The following RSRP1 variants were observed in gnomAD, a reference collection of about 807,000 sequenced individuals.
RSRP1 encodes arginine and serine rich protein 1.
In RSRP1, 37 loss-of-function variants were observed where a neutral mutation model predicts 33.0. That is an observed-to-expected ratio of 1.12 (90% CI 0.86 to 1.48). RSRP1 has a LOEUF of 1.48. Among genes scored for constraint, RSRP1 ranks in the 40% most tolerant of loss-of-function variants. The probability of loss-of-function intolerance (pLI) is 0.00; values close to 1 mark genes in which losing one functional copy is unlikely to be tolerated. For synonymous variants in RSRP1, 167 were observed against 158.7 expected (o/e 1.05, Z -0.40); for missense variants, 402 against 385.3 (o/e 1.04, Z -0.36).
In RSRP1 at chr1:25,246,925, C is replaced by A. The variant is rs34975798; in HGVS notation, c.39G>T (p.Pro13=). 5.5e-3 allele frequency: 8,777 copies of A among 1,592,466 alleles called. 398 individuals carry two copies. The African/African-American group carries it at 0.1, about 18-fold the overall frequency. Residue 13 remains proline, a synonymous_variant, in exon 2 of 5, where the codon CCG becomes CCT. Coordinates refer to ENST00000243189, the MANE Select transcript of RSRP1 (RefSeq NM_020317.5). ...AGGTCGAGGGCGAATCCTTCTCCTG[C>A]GGCGAGCCCGGCCACATGTCGTTCA... ...NYVNDMWPGS[P]QEKDSPSTSR...
chr1:25,270,652 G>A (rs1186794180), intron 1 of RSRP1, among the ~76,000 whole-genome samples: 2 of 131,990 alleles, frequency 1.5e-5, no homozygotes, highest in Admixed American at 1.5e-4. Flanking sequence ...ACAGTTAAGT[G>A]GTCAAACACC....
chr1:25,260,341 T>C (rs779807130), intron 1 of RSRP1, among the ~76,000 whole-genome samples: 1 of 152,250 alleles, frequency 6.6e-6, no homozygotes, highest in African/African-American at 2.4e-5. Context: ...AAAATGTGAC[T>C]GTGAATTTTT....
chr1:25,286,579 G>T (rs1228743687), intron 1 of RSRP1, among the ~76,000 whole-genome samples: 1 of 134,276 alleles, frequency 7.4e-6, no homozygotes, highest in Non-Finnish European at 1.8e-5. Flanking sequence ...GAGGTCAGGA[G>T]ATCGAGACCA....
Position 25,268,086 on chromosome 1 carries a change from G to A in RSRP1, c.-66-21057C>T. Among the ~76,000 whole-genome samples, 2 of 133,966 alleles carry A rather than the reference G, an allele frequency of 1.5e-5. 1 individual carries two copies. The highest frequency in any genetic ancestry group is 3.6e-5 in the Non-Finnish European group (2 of 56,330). 87.9% of individuals were successfully genotyped at this position (133,966 alleles called of 152,430 possible). Reference sequence around the variant, plus strand: ...GTCCGTGATTGGCATTCCAGAAATGGTAGCTGTTATTCAGCCAACAAATAT... The same window carrying A: ...GTCCGTGATTGGCATTCCAGAAATGATAGCTGTTATTCAGCCAACAAATAT... On this transcript the variant is annotated intron_variant, in intron 1 of 1. Transcript: ENST00000561867.
rs1465626254 is a variant in RSRP1, at chr1:25,306,224, G to A, written c.-67+31754C>T. Among the ~76,000 whole-genome samples the A allele has an allele frequency of 6.8e-5, 9 of 131,648 alleles. 1 individual carries two copies. The highest frequency in any genetic ancestry group is 2.1e-4 in the African/African-American group (8 of 38,174). The allele number at this position is 131,648 out of a possible 152,430, so 86.4% of individuals were successfully genotyped here. A position where few individuals can be genotyped will look rare whatever the true frequency, so the allele number is the denominator to read the frequency against. On this transcript the variant is annotated intron_variant, in intron 1 of 1. Coordinates refer to the RSRP1 transcript ENST00000561867. Reference sequence around the variant, plus strand: ...TGGCAGCTCGTGGGGAGAGACCAGGGATGCTGCTTAACATCCTACAGTACA... The same window carrying A: ...TGGCAGCTCGTGGGGAGAGACCAGGAATGCTGCTTAACATCCTACAGTACA...
chr1:25,297,826 T>C (rs1349522192), intron 1 of RSRP1, among the ~76,000 whole-genome samples: 1 of 131,540 alleles, frequency 7.6e-6, no homozygotes, highest in African/African-American at 2.6e-5. Flanking sequence ...ATCTGTGTAG[T>C]ATGGACAGTT....
rs1018470073 is a variant in RSRP1, at chr1:25,247,136, G to C, written c.-66-107C>G. On this transcript the variant is annotated intron_variant, in intron 1 of 4. Transcript: ENST00000243189. Reference sequence around the variant, plus strand: ...CGGGAGGCGGAGCCACGGCGCGGGCGGCGACCGCCGCGACAGGAACCGAGC... The same window carrying C: ...CGGGAGGCGGAGCCACGGCGCGGGCCGCGACCGCCGCGACAGGAACCGAGC... 1.0e-5 allele frequency: 7 copies of C among 703,380 alleles called. No homozygotes were observed. In the African/African-American group the frequency reaches 1.1e-4, roughly 11 times the overall value. The allele number at this position is 703,380 out of a possible 1,614,324, so 43.6% of individuals were successfully genotyped here. A position where few individuals can be genotyped will look rare whatever the true frequency, so the allele number is the denominator to read the frequency against.
chr1:25,315,105 G>A (rs1304119366), intron 1 of RSRP1, among the ~76,000 whole-genome samples: 10 of 128,692 alleles, frequency 7.8e-5, no homozygotes, highest in Admixed American at 6.8e-4. Flanking sequence ...TCGGGAGGCT[G>A]AGATCACGCC....
chr1:25,260,191 T>C (rs892589971), intron 1 of RSRP1, among the ~76,000 whole-genome samples: 2 of 152,218 alleles, frequency 1.3e-5, no homozygotes, highest in East Asian at 1.9e-4. Flanking sequence ...GTTGCTACTA[T>C]GGGGAATCTT....
In RSRP1 at chr1:25,294,064, G is replaced by A. The variant is rs577444168; in HGVS notation, c.-67+43914C>T. The A allele has an allele frequency of 1.8e-4, 122 of 686,588 alleles. 29 individuals are homozygous for A. Among genetic ancestry groups the A allele is most frequent in the Non-Finnish European group, 3.0e-4 (112 of 372,884 alleles). 42.5% of individuals were successfully genotyped at this position (686,588 alleles called of 1,614,324 possible). The stretch of plus-strand genomic sequence containing the variant: ...TAAGAGAAGAAGGCTGTCCACCAAT[G>A]GGCTTATCTGTTATTTCTTCCTTAT... On this transcript the variant is annotated intron_variant, in intron 1 of 1. Transcript: ENST00000561867.
At chr1:25,277,915 G>C (rs3897200) in intron 1 of RSRP1, among the ~76,000 whole-genome samples, 3 of 132,948 alleles carry the variant, frequency 2.3e-5, no homozygotes, top group East Asian at 1.9e-4. Context: ...CTCAGGTGAT[G>C]CACCCGCCTT....
intron 1 of RSRP1, among the ~76,000 whole-genome samples, chr1:25,334,226 A>G (rs1306443310): frequency 7.6e-6 from 1 of 131,532 alleles, no homozygotes; most frequent in East Asian, 2.0e-4. Flanking sequence ...AATGGGATAA[A>G]TTGGTCAAAA....
Position 25,289,196 on chromosome 1 carries a change from AT to A in RSRP1, c.-66-42168del, listed in dbSNP as rs960061444. 7.6e-5 allele frequency among the ~76,000 whole-genome samples: 10 copies of A among 131,358 alleles called. 1 individual carries two copies. The highest frequency in any genetic ancestry group is 2.3e-4 in the South Asian group (1 of 4,278). 86.2% of individuals were successfully genotyped at this position (131,358 alleles called of 152,430 possible). A position where few individuals can be genotyped will look rare whatever the true frequency, so the allele number is the denominator to read the frequency against. On this transcript the variant is annotated intron_variant, in intron 1 of 1. Coordinates refer to the RSRP1 transcript ENST00000561867. ...GCTAGCACGATTTTACAGAGAGTGA[AT>A]TTTTTTTGTGTGTGTGTGAGGCAGT...
In RSRP1 at chr1:25,246,943, G is replaced by A. The variant is rs1246248471; in HGVS notation, c.21C>T (p.Asp7=). ...TCTCCTGCGGCGAGCCCGGCCACAT[G>A]TCGTTCACGTAGTTGGACATCTTCA... MSNYVN[D]MWPGSPQEKD... The change falls in exon 2 of 5, where the codon GAC becomes GAT. Residue 7 remains aspartate, a synonymous_variant. Coordinates refer to ENST00000243189, the MANE Select transcript of RSRP1 (RefSeq NM_020317.5). 1.3e-6 allele frequency: 2 copies of A among 1,584,294 alleles called. No homozygotes were observed. The highest frequency in any genetic ancestry group is 2.3e-5 in the East Asian group (1 of 44,326).
At chr1:25,249,747 T>TAA (rs1288076090), upstream of RSRP1, among the ~76,000 whole-genome samples, 1 of 152,222 alleles carries the variant, frequency 6.6e-6, no homozygotes, top group Non-Finnish European at 1.5e-5. Context: ...CTACCTGAGT[T>TAA]AAAGTCTGCA....
At chr1:25,277,761 A>G (rs28661958) in intron 1 of RSRP1, among the ~76,000 whole-genome samples, 115,516 of 115,936 alleles carry the variant, frequency 1, 57,607 homozygotes, top group Middle Eastern at 1. Flanking sequence ...CGCAACCTCC[A>G]CCTCCCAGGT....
At chr1:25,262,809 GC>G (rs1183986691) in intron 1 of RSRP1, among the ~76,000 whole-genome samples, 1 of 152,208 alleles carries the variant, frequency 6.6e-6, no homozygotes, top group East Asian at 1.9e-4. Flanking sequence ...AGACCAATTT[GC>G]CTTTCTTCCG....
At chr1:25,280,679 G>A (rs1379239477) in intron 1 of RSRP1, among the ~76,000 whole-genome samples, 1 of 113,014 alleles carries the variant, frequency 8.8e-6, no homozygotes, top group African/African-American at 3.1e-5. Context: ...TGGTGTGACC[G>A]CAGCTCACTG....
intron 1 of RSRP1, among the ~76,000 whole-genome samples, chr1:25,285,289 C>T (rs1446688027): frequency 1.5e-5 from 2 of 133,940 alleles, no homozygotes; most frequent in South Asian, 2.2e-4. Context: ...CATGTGCCAC[C>T]GCGCCTGGCT....
Sources: allele counts gnomAD v4.1 joint callset (sites outside exome capture counted in the v4.1 genomes callset), GRCh38; gene constraint gnomAD v4.1.1; transcripts MANE v1.5; gene names NCBI Gene and HGNC (gene_info 2026-07-23, HGNC 2026-07-21).